The following L3MBTL4 variants were observed in gnomAD, a reference collection of about 807,000 sequenced individuals.
L3MBTL4 encodes lethal(3)malignant brain tumor-like protein 4.
Under a neutral mutation model 84.5 loss-of-function variants are expected in L3MBTL4, and 70 were observed. The ratio of observed to expected loss-of-function variants is 0.83; its 90% confidence interval spans 0.68 to 1.01. The LOEUF (loss-of-function observed/expected upper bound fraction) is 1.01, where lower values mean the gene tolerates loss of function less well. Ranked by LOEUF, L3MBTL4 falls within the 50% of genes least tolerant of loss-of-function variation. The probability of loss-of-function intolerance (pLI) is 0.00; values close to 1 mark genes in which losing one functional copy is unlikely to be tolerated. For missense variants in L3MBTL4, 715 were observed against 754.8 expected, an observed-to-expected ratio of 0.95 and a Z score of 0.62; for synonymous variants, 274 against 259.8, an observed-to-expected ratio of 1.05 and a Z score of -0.52.
intron 13 of L3MBTL4, among the ~76,000 whole-genome samples, chr18:6,144,577 T>C (rs1048960628): frequency 6.6e-6 from 1 of 152,220 alleles, no homozygotes; most frequent in Admixed American, 6.5e-5. Flanking sequence ...TCACATACAA[T>C]GCATGGTTAC....
intron 14 of L3MBTL4, among the ~76,000 whole-genome samples, chr18:6,120,992 T>C (rs2059504053): frequency 6.6e-6 from 1 of 152,292 alleles, no homozygotes; most frequent in Middle Eastern, 3.4e-3. Context: ...GGAATAGGAT[T>C]GCCATATTTC....
chr18:6,124,808 G>A (rs2059635938), intron 14 of L3MBTL4, among the ~76,000 whole-genome samples: 2 of 152,136 alleles, frequency 1.3e-5, no homozygotes, highest in Admixed American at 6.5e-5. Flanking sequence ...ATCAGTAAAG[G>A]TGCATGGTAG....
At chr18:6,273,832 G>C (rs778614059) in intron 4 of L3MBTL4, among the ~76,000 whole-genome samples, 1 of 152,234 alleles carries the variant, frequency 6.6e-6, no homozygotes, top group South Asian at 2.1e-4. Flanking sequence ...AGAGCTGGGA[G>C]GTGTGAGGGT....
chr18:6,020,624 C>A (rs1176289126), intron 16 of L3MBTL4, among the ~76,000 whole-genome samples: 1 of 152,174 alleles, frequency 6.6e-6, no homozygotes, highest in African/African-American at 2.4e-5. Context: ...TTCGGGCCTG[C>A]ACTAGGTTGC....
intron 13 of L3MBTL4, among the ~76,000 whole-genome samples, chr18:6,163,290 TGTGTGTGTGTGTGTGTGG>T (rs1352856718): frequency 9.5e-5 from 12 of 126,596 alleles, no homozygotes; most frequent in African/African-American, 3.8e-4. Flanking sequence ...TGTGTGTGTG[TGTGTGTGTGTGTGTGTGG>T]GTGGGTGTGT....
At chr18:6,182,229 T>C (rs2044506485) in intron 12 of L3MBTL4, among the ~76,000 whole-genome samples, 1 of 152,242 alleles carries the variant, frequency 6.6e-6, no homozygotes, top group Non-Finnish European at 1.5e-5. Flanking sequence ...GTGGTTTTGA[T>C]TAGCATTTCT....
At chr18:6,311,856 T>C (rs905879027) in intron 2 of L3MBTL4, 142 bp downstream of exon 2, 2 of 407,038 alleles carry the variant, frequency 4.9e-6, no homozygotes, top group Admixed American at 7.6e-5. Context: ...ATGCGTTTAC[T>C]ACCTCATCTA....
At chr18:5,981,812 T>C (rs1278944086) in intron 16 of L3MBTL4, among the ~76,000 whole-genome samples, 1 of 152,052 alleles carries the variant, frequency 6.6e-6, no homozygotes, top group Non-Finnish European at 1.5e-5. Context: ...AAAAAAAATT[T>C]TTTTTTTAAA....
chr18:6,029,969 C>T (rs1303688427), intron 16 of L3MBTL4: 1 of 985,288 alleles, frequency 1.0e-6, no homozygotes, highest in East Asian at 1.1e-4. Flanking sequence ...CACTTTGAAG[C>T]CTCCTTTACA....
chr18:6,145,742 A>T (rs758041719), intron 13 of L3MBTL4, among the ~76,000 whole-genome samples: 2 of 152,218 alleles, frequency 1.3e-5, no homozygotes, highest in Admixed American at 1.3e-4. Flanking sequence ...ACATAAAATT[A>T]ATTACTGAGG....
At chr18:6,329,920 A>G (rs1329286325) in intron 1 of L3MBTL4, among the ~76,000 whole-genome samples, 1 of 152,238 alleles carries the variant, frequency 6.6e-6, no homozygotes, top group East Asian at 1.9e-4. Flanking sequence ...ATCAGTATGC[A>G]TAGTTTTCTG....
chr18:5,996,248 T>C (rs1415434748), intron 16 of L3MBTL4, among the ~76,000 whole-genome samples: 1 of 152,228 alleles, frequency 6.6e-6, no homozygotes, highest in African/African-American at 2.4e-5. Flanking sequence ...TTGATGAATC[T>C]GATTTTTTCC....
At chr18:6,226,331 G>A (rs2046781901) in intron 10 of L3MBTL4, among the ~76,000 whole-genome samples, 2 of 152,172 alleles carry the variant, frequency 1.3e-5, no homozygotes, top group South Asian at 2.1e-4. Flanking sequence ...ACTTGCAACT[G>A]GGAGGCAGAG....
At chr18:6,057,543 T>G (rs1176202901) in intron 16 of L3MBTL4, among the ~76,000 whole-genome samples, 1 of 152,240 alleles carries the variant, frequency 6.6e-6, no homozygotes, top group African/African-American at 2.4e-5. Context: ...ACTTCTTGTT[T>G]ACTTTATTAA....
chr18:6,356,531 A>C (rs975743669), intron 1 of L3MBTL4, among the ~76,000 whole-genome samples: 1 of 152,248 alleles, frequency 6.6e-6, no homozygotes, highest in African/African-American at 2.4e-5. Context: ...AGCCTACTAC[A>C]CTCAGGCTAT....
intron 13 of L3MBTL4, among the ~76,000 whole-genome samples, chr18:6,145,230 C>A (rs1453506462): frequency 6.6e-6 from 1 of 152,104 alleles, no homozygotes; most frequent in Non-Finnish European, 1.5e-5. Flanking sequence ...AGGGAACTGT[C>A]TTTTCTTATT....
chr18:6,098,708 A>G (rs375985427), intron 14 of L3MBTL4, among the ~76,000 whole-genome samples: 1 of 152,022 alleles, frequency 6.6e-6, no homozygotes, highest in Non-Finnish European at 1.5e-5. Context: ...CAACTAACTC[A>G]CCCCTCATGA....
intron 16 of L3MBTL4, among the ~76,000 whole-genome samples, chr18:5,986,494 C>T (rs552344626): frequency 6.6e-6 from 1 of 152,312 alleles, no homozygotes; most frequent in African/African-American, 2.4e-5. Flanking sequence ...AATAAACATT[C>T]CTTGGGAGCT....
At chr18:6,165,712 ACCACTG>A (rs1340212926) in intron 13 of L3MBTL4, among the ~76,000 whole-genome samples, 6 of 152,178 alleles carry the variant, frequency 3.9e-5, no homozygotes, top group African/African-American at 1.4e-4. Context: ...ACTGGTACCA[ACCACTG>A]CAAAAACATG....
Sources: allele counts gnomAD v4.1 joint callset (sites outside exome capture counted in the v4.1 genomes callset), GRCh38; gene constraint gnomAD v4.1.1; transcripts MANE v1.5; gene names NCBI Gene and HGNC (gene_info 2026-07-23, HGNC 2026-07-21).